Variants in CRCP observed in about 807,000 individuals in gnomAD.
CRCP encodes the protein DNA-directed RNA polymerase III subunit RPC9.
Under a neutral mutation model 18.5 loss-of-function variants are expected in CRCP, and 18 were observed. The ratio of observed to expected loss-of-function variants is 0.97; its 90% CI spans 0.67 to 1.44. The LOEUF is 1.44. Among genes scored for constraint, CRCP ranks in the 40% most tolerant of loss-of-function variants. CRCP has a pLI of 0.00. For synonymous variants in CRCP, 53 were observed against 62.9 expected (o/e 0.84, Z 0.75); for missense variants, 130 against 176.4 (o/e 0.74, Z 1.49).
At chr7:66,116,284 T>G (rs149471685) in intron 1 of CRCP, among the ~76,000 whole-genome samples, 1 of 151,670 alleles carries the variant, frequency 6.6e-6, no homozygotes, top group Non-Finnish European at 1.5e-5. Context: ...CACTTGAACC[T>G]GGGAGGTGGA....
intron 1 of CRCP, among the ~76,000 whole-genome samples, chr7:66,121,416 C>A (rs1787438183): frequency 1.3e-5 from 2 of 151,510 alleles, no homozygotes; most frequent in Non-Finnish European, 2.9e-5. Flanking sequence ...ATAAAAATTT[C>A]TTGACCATTA....
rs553269668 is a variant in CRCP at position 66,114,945 on chromosome 7, G to A, written c.-18G>A. On this transcript the variant is annotated 5_prime_UTR_variant, in exon 1 of 6. Transcript: ENST00000395326. ...GTTCTTTGTCTGCTGGCAGCTAGGG[G>A]CGACGAGGCGGGACGTCATGGAAGT... 6.0e-5 allele frequency: 96 copies of A among 1,611,966 alleles called. No individual in the cohort carries two copies. The highest frequency in any genetic ancestry group is 7.9e-5 in the Non-Finnish European group (93 of 1,178,490).
At chr7:66,131,432 T>C (rs1030966341) in intron 3 of CRCP, among the ~76,000 whole-genome samples, 2 of 152,124 alleles carry the variant, frequency 1.3e-5, no homozygotes, top group Admixed American at 1.3e-4. Flanking sequence ...CCTCCTAGGC[T>C]CAGGTGATGC....
At chr7:66,138,341 C>T (rs941032040) in intron 4 of CRCP, among the ~76,000 whole-genome samples, 2 of 151,598 alleles carry the variant, frequency 1.3e-5, no homozygotes, top group Non-Finnish European at 2.9e-5. Flanking sequence ...GAGTTTGAGA[C>T]CAGCTTGGGC....
intron 2 of CRCP, among the ~76,000 whole-genome samples, chr7:66,128,100 C>T (rs576681214): frequency 7.1e-6 from 1 of 141,072 alleles, no homozygotes; most frequent in South Asian, 2.3e-4. Context: ...GGGCAATAGA[C>T]CAAGGCTCTG....
At chr7:66,122,483 C>G (rs1787475429) in intron 1 of CRCP, among the ~76,000 whole-genome samples, 1 of 151,260 alleles carries the variant, frequency 6.6e-6, no homozygotes, top group South Asian at 2.1e-4. Context: ...ATTTGGAATT[C>G]AGTTTCCTCA....
chr7:66,145,124 C>T (rs1169380465), intron 4 of CRCP, among the ~76,000 whole-genome samples: 1 of 151,966 alleles, frequency 6.6e-6, no homozygotes, highest in Admixed American at 6.6e-5. Context: ...CCACTGCACA[C>T]CAGCCTAGGC....
intron 5 of CRCP, among the ~76,000 whole-genome samples, chr7:66,146,679 C>T (rs1036931897): frequency 6.6e-6 from 1 of 151,980 alleles, no homozygotes; most frequent in African/African-American, 2.4e-5. Flanking sequence ...TTGTTTTTGC[C>T]CTTCAGAATG....
chr7:66,118,664 C>T (rs1787345073), intron 1 of CRCP, among the ~76,000 whole-genome samples: 1 of 152,180 alleles, frequency 6.6e-6, no homozygotes, highest in Admixed American at 6.6e-5. Context: ...ATAATCTATG[C>T]ACATTCTCCC....
intron 5 of CRCP, among the ~76,000 whole-genome samples, chr7:66,149,645 C>T (rs953099788): frequency 1.3e-5 from 2 of 152,134 alleles, no homozygotes; most frequent in Non-Finnish European, 2.9e-5. Context: ...ACAGTCAAGA[C>T]CTTTTTTTTC....
chr7:66,129,255 C>T (rs2115920591), intron 2 of CRCP, among the ~76,000 whole-genome samples: 1 of 152,210 alleles, frequency 6.6e-6, no homozygotes, highest in African/African-American at 2.4e-5. Context: ...ATGGCGTGAA[C>T]CCGGGGGGTG....
intron 1 of CRCP, among the ~76,000 whole-genome samples, chr7:66,125,150 G>C (rs1360986157): frequency 1.3e-5 from 2 of 148,918 alleles, no homozygotes; most frequent in Non-Finnish European, 3.0e-5. Flanking sequence ...AAACATCTTG[G>C]GGCTGGATTG....
chr7:66,117,137 A>ACCTGAT, intron 1 of CRCP, among the ~76,000 whole-genome samples: 1 of 149,016 alleles, frequency 6.7e-6, no homozygotes, highest in South Asian at 2.2e-4. Context: ...AAAAAAAAAA[A>ACCTGAT]CCTGATCCCT....
chr7:66,135,852 C>T (rs986372410), intron 4 of CRCP, among the ~76,000 whole-genome samples: 9 of 151,744 alleles, frequency 5.9e-5, no homozygotes, highest in Non-Finnish European at 1.0e-4. Flanking sequence ...ACCTGGGAGA[C>T]GGAGGTTGCG....
chr7:66,132,827 C>T (rs1401318649), intron 3 of CRCP, among the ~76,000 whole-genome samples: 5 of 151,816 alleles, frequency 3.3e-5, no homozygotes, highest in Non-Finnish European at 7.4e-5. Flanking sequence ...AGGAGAATGG[C>T]GTGAACCTGG....
At chr7:66,145,096 C>T (rs1287569243) in intron 4 of CRCP, among the ~76,000 whole-genome samples, 4 of 152,000 alleles carry the variant, frequency 2.6e-5, no homozygotes, top group African/African-American at 9.7e-5. Context: ...GCGGAGGCTA[C>T]AGTGAGCCAA....
rs1788516006 is a variant in CRCP, at chr7:66,152,851, A to G, written c.*494A>G. The G allele has an allele frequency of 6.4e-6, 1 of 155,156 alleles. No homozygotes were observed. Among genetic ancestry groups the G allele is most frequent in the African/African-American group, 2.4e-5 (1 of 41,474 alleles). The allele number at this position is 155,156 out of a possible 1,614,324, so 9.6% of individuals were successfully genotyped here. On this transcript the variant is annotated 3_prime_UTR_variant, in exon 6 of 6. Transcript: ENST00000395326. ...TTAGAGGAATTTCCTCGAGAACAAC[A>G]GAGATAAGAAAAGAACCGGCCTGGC...
intron 5 of CRCP, 106 bp from the exon 6 acceptor site, chr7:66,152,102 G>C: frequency 1.6e-6 from 2 of 1,286,584 alleles, no homozygotes; most frequent in Non-Finnish European, 2.2e-6. Flanking sequence ...AGGCTGTGAG[G>C]TCTGTGTGCC....
intron 4 of CRCP, among the ~76,000 whole-genome samples, chr7:66,142,721 T>C (rs1788176911): frequency 6.6e-6 from 1 of 152,158 alleles, no homozygotes; most frequent in Non-Finnish European, 1.5e-5. Context: ...GTTTTTGAAC[T>C]CCCAGCCTCA....
Sources: gnomAD v4.1 joint callset for allele counts (sites outside exome capture counted in the v4.1 genomes callset) on GRCh38, gnomAD v4.1.1 for gene constraint, MANE v1.5 for transcripts, NCBI Gene and HGNC (gene_info 2026-07-23, HGNC 2026-07-21) for gene names.